DTNB: variants seen among roughly 807,000 people sequenced by gnomAD.
DTNB encodes the protein dystrobrevin beta, also known as DTN-B.
A neutral mutation model predicts 90.7 loss-of-function variants in DTNB; 63 were observed. The observed-to-expected ratio is 0.69, with a 90% confidence interval of 0.57 to 0.86. The LOEUF (loss-of-function observed/expected upper bound fraction) is 0.86. Among genes scored for constraint, DTNB ranks in the 40% least tolerant of loss-of-function variants. The pLI, the probability that DTNB is intolerant of heterozygous loss-of-function variation, is 0.00. For synonymous variants in DTNB, 277 were observed against 286.7 expected (o/e 0.97, Z 0.34); for missense variants, 744 against 807.1 (o/e 0.92, Z 0.95).
rs569288885 is a variant in DTNB, at chr2:25,493,760, C to T, written c.1002-10887G>A. On this transcript the variant is annotated intron_variant, in intron 9 of 20. Transcript: ENST00000406818. ...TCATGCCTAGCACTGTTAGGGGTTT[C>T]GGGACAAAATAAAACAAGTTGAAGA... Among the ~76,000 whole-genome samples, 296 of 152,240 alleles carry T rather than the reference C, an allele frequency of 1.9e-3. 5 individuals are homozygous for T. The highest frequency in any genetic ancestry group is 2.0e-3 in the Non-Finnish European group (137 of 68,010).
intron 18 of DTNB, 21 bp from the exon 19 acceptor site, chr2:25,383,910 A>G (rs993334169): frequency 6.2e-7 from 1 of 1,613,990 alleles, no homozygotes; most frequent in African/African-American, 1.3e-5. Flanking sequence ...AAGTCCAAGG[A>G]GGCCAGTGAC....
chr2:25,563,295 G>C (rs545005577), intron 8 of DTNB, among the ~76,000 whole-genome samples: 14 of 152,174 alleles, frequency 9.2e-5, no homozygotes, highest in Non-Finnish European at 1.6e-4. Flanking sequence ...AACTGGGTTA[G>C]TTGGGGTGTT....
intron 8 of DTNB, among the ~76,000 whole-genome samples, chr2:25,550,396 C>CAAAAA (rs1558991907): frequency 6.6e-6 from 1 of 151,556 alleles, no homozygotes; most frequent in Non-Finnish European, 1.5e-5. Context: ...GTCTCAAAAA[C>CAAAAA]AAAAACAAAA....
intron 3 of DTNB, among the ~76,000 whole-genome samples, 195 bp downstream of exon 3, chr2:25,638,807 AACTAGTTACATG>A (rs565456723): frequency 1.2e-4 from 18 of 152,360 alleles, no homozygotes; most frequent in East Asian, 1.2e-3. Context: ...ACAGCCTCAA[AACTAGTTACATG>A]ACTGAGTTTG....
chr2:25,482,975 G>C (rs6761780), intron 9 of DTNB, 102 bp from the exon 10 acceptor site: 2 of 1,243,174 alleles, frequency 1.6e-6, no homozygotes, highest in Non-Finnish European at 2.2e-6. Context: ...ATCATCATTC[G>C]CGGTAAGCAC....
chr2:25,644,358 G>C (rs946428113), intron 2 of DTNB, among the ~76,000 whole-genome samples: 1 of 152,110 alleles, frequency 6.6e-6, no homozygotes, highest in Non-Finnish European at 1.5e-5. Context: ...ATGCAAATGG[G>C]GAGAGGAGGA....
chr2:25,579,281 G>C (rs1039862116), intron 7 of DTNB, among the ~76,000 whole-genome samples: 2 of 152,200 alleles, frequency 1.3e-5, no homozygotes, highest in African/African-American at 4.8e-5. Flanking sequence ...AGTCTAGAGA[G>C]ATTCTGGTCC....
At chr2:25,385,148 G>A (rs1034795014) in intron 18 of DTNB, among the ~76,000 whole-genome samples, 1 of 152,128 alleles carries the variant, frequency 6.6e-6, no homozygotes, top group Non-Finnish European at 1.5e-5. Context: ...AAAGTGCTGG[G>A]ATTACAGGTG....
chr2:25,433,700 G>A (rs1294552452), intron 13 of DTNB, among the ~76,000 whole-genome samples: 2 of 152,086 alleles, frequency 1.3e-5, no homozygotes, highest in African/African-American at 4.8e-5. Flanking sequence ...GAGGGCAGGT[G>A]AGCAGAGCTG....
At chr2:25,558,797 C>A (rs2057780301) in intron 8 of DTNB, among the ~76,000 whole-genome samples, 1 of 152,198 alleles carries the variant, frequency 6.6e-6, no homozygotes, top group African/African-American at 2.4e-5. Flanking sequence ...TCCCAAGCAA[C>A]CTACTGAAAA....
At chr2:25,533,580 T>C (rs1297753257) in intron 8 of DTNB, among the ~76,000 whole-genome samples, 1 of 152,200 alleles carries the variant, frequency 6.6e-6, no homozygotes, top group East Asian at 1.9e-4. Context: ...GAGATCTAAA[T>C]AAATGCCTTC....
intron 14 of DTNB, among the ~76,000 whole-genome samples, chr2:25,428,188 T>C (rs567515728): frequency 6.6e-6 from 1 of 152,308 alleles, no homozygotes; most frequent in African/African-American, 2.4e-5. Context: ...TCTGTCTCTT[T>C]TTTTTTCCTT....
chr2:25,385,418 G>C (rs78515862), intron 18 of DTNB, among the ~76,000 whole-genome samples: 2 of 152,186 alleles, frequency 1.3e-5, no homozygotes, highest in East Asian at 3.8e-4. Flanking sequence ...CACATGTAAA[G>C]GGAGTTTATG....
intron 16 of DTNB, chr2:25,419,254 G>T: frequency 3.6e-6 from 2 of 563,194 alleles, no homozygotes; most frequent in Non-Finnish European, 6.4e-6. Flanking sequence ...ATGGTAGCCT[G>T]GCTAATCATG....
intron 12 of DTNB, among the ~76,000 whole-genome samples, chr2:25,434,908 CTTTTTTCTT>C (rs2055192579): frequency 6.6e-6 from 1 of 152,188 alleles, no homozygotes; most frequent in South Asian, 2.1e-4. Context: ...TTACTTACTA[CTTTTTTCTT>C]TTAACCATCC....
At chr2:25,671,105 A>G (rs1342643712) in intron 1 of DTNB, among the ~76,000 whole-genome samples, 3 of 152,252 alleles carry the variant, frequency 2.0e-5, no homozygotes, top group African/African-American at 7.2e-5. Flanking sequence ...CAGAGAAGCC[A>G]AACATATGCC....
chr2:25,482,693 T>C (rs1453098481), intron 10 of DTNB, 103 bp downstream of exon 10: 1 of 1,134,878 alleles, frequency 8.8e-7, no homozygotes, highest in Admixed American at 1.8e-5. Flanking sequence ...CAGTCCTTTC[T>C]GCCCTGTGGA....
chr2:25,420,463 AATCAATCTATCTATCTATCTATCTATCT>A (rs1468953560), intron 15 of DTNB, among the ~76,000 whole-genome samples: 9 of 142,434 alleles, frequency 6.3e-5, no homozygotes, highest in Non-Finnish European at 9.1e-5. Flanking sequence ...CTGTCATCTA[AATCAATCTATCTATCTATCTATCTATCT>A]ATCTATCTAT....
intron 6 of DTNB, among the ~76,000 whole-genome samples, chr2:25,591,988 G>T (rs2063651009): frequency 6.7e-6 from 1 of 149,780 alleles, no homozygotes; most frequent in Non-Finnish European, 1.5e-5. Flanking sequence ...TTGAACCGGG[G>T]AGGCAGAGGT....
Sources: allele counts gnomAD v4.1 joint callset (sites outside exome capture counted in the v4.1 genomes callset), GRCh38; gene constraint gnomAD v4.1.1; transcripts MANE v1.5; gene names NCBI Gene and HGNC (gene_info 2026-07-23, HGNC 2026-07-21).